ZNF407: variants seen among roughly 807,000 people sequenced by gnomAD.
The protein encoded by ZNF407 is zinc finger protein 407.
ZNF407 carries 17 observed loss-of-function variants against 131.2 expected under a neutral mutation model. The ratio of observed to expected loss-of-function variants is 0.13; its 90% CI spans 0.09 to 0.19. The LOEUF (loss-of-function observed/expected upper bound fraction) is 0.19. Among genes scored for constraint, ZNF407 ranks in the 10% least tolerant of loss-of-function variants. The pLI, the probability that ZNF407 is intolerant of heterozygous loss-of-function variation, is 1.00. For synonymous variants in ZNF407, 1,156 were observed against 1,062.0 expected (o/e 1.09, Z -1.72); for missense variants, 2,681 against 2,830.6 (o/e 0.95, Z 1.20).
intron 8 of ZNF407, among the ~76,000 whole-genome samples, chr18:74,941,866 G>A (rs1429907533): frequency 1.3e-5 from 2 of 152,200 alleles, no homozygotes; most frequent in African/African-American, 2.4e-5. Context: ...GTTGACAAAG[G>A]TATTCCAGGG....
intron 3 of ZNF407, among the ~76,000 whole-genome samples, chr18:74,724,068 G>T (rs1029722478): frequency 1.3e-5 from 2 of 151,956 alleles, no homozygotes; most frequent in African/African-American, 4.8e-5. Context: ...GTGAGAAACT[G>T]GGAGAAGCTA....
At chr18:75,000,607 A>G (rs1167226536) in intron 8 of ZNF407, among the ~76,000 whole-genome samples, 1 of 152,198 alleles carries the variant, frequency 6.6e-6, no homozygotes, top group East Asian at 1.9e-4. Context: ...TAAAGCAATA[A>G]CTATGCAAAA....
At chr18:74,897,609 C>T (rs1177499048) in intron 7 of ZNF407, among the ~76,000 whole-genome samples, 1 of 151,966 alleles carries the variant, frequency 6.6e-6, no homozygotes, top group Non-Finnish European at 1.5e-5. Context: ...GAAAGAAAGG[C>T]CTTAGAGATG....
chr18:74,968,496 C>G (rs1972434418), intron 8 of ZNF407, among the ~76,000 whole-genome samples: 1 of 152,128 alleles, frequency 6.6e-6, no homozygotes. Flanking sequence ...AGGTCTAAAG[C>G]TTTTCTGGTT....
At chr18:74,910,194 A>G (rs1314423062) in intron 7 of ZNF407, among the ~76,000 whole-genome samples, 1 of 152,216 alleles carries the variant, frequency 6.6e-6, no homozygotes, top group Non-Finnish European at 1.5e-5. Flanking sequence ...AGATCACAGA[A>G]ATGACTGTAG....
At chr18:74,873,586 G>A (rs551698660) in intron 4 of ZNF407, among the ~76,000 whole-genome samples, 26 of 152,232 alleles carry the variant, frequency 1.7e-4, no homozygotes, top group African/African-American at 6.3e-4. Flanking sequence ...ATCCTGCCAG[G>A]TGAGGTGGCT....
intron 6 of ZNF407, among the ~76,000 whole-genome samples, chr18:74,883,412 G>A (rs1484808402): frequency 6.6e-6 from 1 of 152,122 alleles, no homozygotes; most frequent in African/African-American, 2.4e-5. Context: ...CTTTGACATG[G>A]TTTACCTTTT....
intron 3 of ZNF407, among the ~76,000 whole-genome samples, chr18:74,643,951 G>T (rs1287276621): frequency 6.6e-6 from 1 of 151,858 alleles, no homozygotes; most frequent in African/African-American, 2.4e-5. Flanking sequence ...TATATCTTGG[G>T]TTTAAGTTAG....
intron 4 of ZNF407, among the ~76,000 whole-genome samples, chr18:74,853,830 G>C (rs1351677908): frequency 6.6e-6 from 1 of 152,160 alleles, no homozygotes; most frequent in Non-Finnish European, 1.5e-5. Context: ...TGTGGCTTAA[G>C]TGTGGTGTGC....
At chr18:74,905,211 A>G (rs1971579945) in intron 7 of ZNF407, 2 of 152,270 alleles carry the variant, frequency 1.3e-5, no homozygotes, top group South Asian at 4.1e-4. Context: ...AAGTCAACAC[A>G]TAGGAAGGTA....
At chr18:74,609,397 C>A (rs1456145871) in intron 1 of ZNF407, among the ~76,000 whole-genome samples, 8 of 152,118 alleles carry the variant, frequency 5.3e-5, no homozygotes, top group Admixed American at 5.2e-4. Context: ...AGGCAACAAA[C>A]CCATATAGCA....
chr18:74,815,129 C>A (rs1970250510), intron 4 of ZNF407, among the ~76,000 whole-genome samples: 1 of 151,528 alleles, frequency 6.6e-6, no homozygotes, highest in Non-Finnish European at 1.5e-5. Context: ...AGGATTATAA[C>A]CTACCAAACA....
Position 74,634,666 on chromosome 18 carries a change from A to G in ZNF407, c.3647A>G (p.Asn1216Ser), listed in dbSNP as rs368800955. The change falls in exon 2 of 9, where the codon AAC becomes AGC. Residue 1216 changes from asparagine to serine, a missense_variant. Asn to Ser is a conservative substitution (Grantham distance 46, BLOSUM62 1). This residue lies in a region of ZNF407 where 1,789 missense variants were observed against 1,748.7 expected (regional missense o/e 1.02). Transcript: ENST00000299687. ...SALNCETAKK[N>S]HEISNDAGEL... ...TTAAATTGTGAGACAGCAAAGAAAA[A>G]CCATGAGATATCGAATGATGCAGGT... 3.0e-5 allele frequency: 49 copies of G among 1,613,866 alleles called. No homozygotes were observed. In the African/African-American group the frequency reaches 4.9e-4, roughly 16 times the overall value.
chr18:75,056,145 G>T (rs984501732), intron 8 of ZNF407, among the ~76,000 whole-genome samples: 3 of 152,098 alleles, frequency 2.0e-5, no homozygotes, highest in African/African-American at 7.2e-5. Context: ...TTGTCCTTAG[G>T]CCAGCTCCTG....
intron 4 of ZNF407, among the ~76,000 whole-genome samples, chr18:74,855,493 A>C (rs747828517): frequency 6.6e-6 from 1 of 152,310 alleles, no homozygotes; most frequent in Non-Finnish European, 1.5e-5. Context: ...TTTATCTCTT[A>C]GTTTTCATAT....
chr18:74,640,657 T>G (rs978418459), intron 2 of ZNF407, among the ~76,000 whole-genome samples: 1 of 152,188 alleles, frequency 6.6e-6, no homozygotes, highest in Non-Finnish European at 1.5e-5. Flanking sequence ...TTAAAAATGT[T>G]TTCTTTGAAG....
At chr18:74,832,268 C>T (rs1970496253) in intron 4 of ZNF407, among the ~76,000 whole-genome samples, 1 of 152,088 alleles carries the variant, frequency 6.6e-6, no homozygotes, top group Admixed American at 6.6e-5. Context: ...TTATAGTACT[C>T]ATGTGCTTTA....
At chr18:74,678,943 G>C (rs1162049583) in intron 3 of ZNF407, among the ~76,000 whole-genome samples, 1 of 151,800 alleles carries the variant, frequency 6.6e-6, no homozygotes, top group Non-Finnish European at 1.5e-5. Flanking sequence ...AAGTGCTGTT[G>C]GTAAGCTATA....
At chr18:74,751,845 T>C (rs898406643) in intron 3 of ZNF407, among the ~76,000 whole-genome samples, 4 of 152,224 alleles carry the variant, frequency 2.6e-5, no homozygotes, top group Non-Finnish European at 5.9e-5. Context: ...TGTGCGTGTG[T>C]CTTTATAGCA....
Sources: allele counts gnomAD v4.1 joint callset (sites outside exome capture counted in the v4.1 genomes callset), GRCh38; gene constraint gnomAD v4.1.1; regional missense constraint gnomAD v4.1.1; transcripts MANE v1.5; gene names NCBI Gene and HGNC (gene_info 2026-07-23, HGNC 2026-07-21).